Variants in STXBP5L observed in about 807,000 individuals in gnomAD.
STXBP5L encodes syntaxin binding protein 5L, also known as syntaxin-binding protein 5-like.
In STXBP5L, 65 loss-of-function variants were observed where a neutral mutation model predicts 144.5. The ratio of observed to expected loss-of-function variants is 0.45; its 90% CI spans 0.37 to 0.55. The LOEUF (loss-of-function observed/expected upper bound fraction) is 0.55, where lower values mean the gene tolerates loss of function less well. STXBP5L is among the 20% of genes least tolerant of loss of function. STXBP5L has a pLI of 0.00. For synonymous variants in STXBP5L, 505 were observed against 469.6 expected (o/e 1.08, Z -0.97); for missense variants, 1,298 against 1,405.5 (o/e 0.92, Z 1.22).
intron 3 of STXBP5L, among the ~76,000 whole-genome samples, chr3:120,995,416 A>G (rs904363842): frequency 6.6e-6 from 1 of 152,082 alleles, no homozygotes; most frequent in African/African-American, 2.4e-5. Flanking sequence ...CCAAATATCT[A>G]GAATTACAGG....
At chr3:120,945,146 T>G (rs1308931000) in intron 2 of STXBP5L, among the ~76,000 whole-genome samples, 1 of 151,734 alleles carries the variant, frequency 6.6e-6, no homozygotes, top group Non-Finnish European at 1.5e-5. Context: ...TGAGACAGTT[T>G]ATGTACAATT....
chr3:121,013,444 A>T (rs1227417426), intron 3 of STXBP5L, among the ~76,000 whole-genome samples: 1 of 152,064 alleles, frequency 6.6e-6, no homozygotes, highest in East Asian at 1.9e-4. Flanking sequence ...TCTGATGATT[A>T]GTGATGTTGA....
intron 3 of STXBP5L, among the ~76,000 whole-genome samples, chr3:121,004,271 T>A (rs1373992564): frequency 2.0e-5 from 3 of 151,636 alleles, no homozygotes; most frequent in Non-Finnish European, 4.4e-5. Context: ...TTCACATCCC[T>A]TGTAAGTTGG....
intron 20 of STXBP5L, among the ~76,000 whole-genome samples, chr3:121,359,635 G>A (rs1008300256): frequency 2.6e-5 from 4 of 152,038 alleles, no homozygotes; most frequent in African/African-American, 7.2e-5. Context: ...ATGGTGAGAT[G>A]TAGAGGTCTA....
chr3:121,381,532 G>A lies in STXBP5L; in HGVS notation c.2587G>A (p.Gly863Ser), dbSNP rs1441539807. The A allele has an allele frequency of 6.3e-7, 1 of 1,587,590 alleles. No individual in the cohort carries two copies. Among genetic ancestry groups the A allele is most frequent in the East Asian group, 2.3e-5 (1 of 44,126 alleles). The change falls in exon 22 of 27, where the codon GGT becomes AGT. Residue 863 changes from glycine (G) to serine (S), a missense_variant and splice_region_variant. Coordinates refer to ENST00000471454, the MANE Select transcript of STXBP5L (RefSeq NM_001308330.2). ...FTEPVMVLPS[G>S]TFLSLKGAVL... ...AGAGCCAGTCATGGTATTGCCAAGT[G>A]GTAAGAGTTTGTATTCATTCATTCC...
intron 4 of STXBP5L, among the ~76,000 whole-genome samples, chr3:121,042,531 G>T (rs753805163): frequency 7.6e-4 from 116 of 152,090 alleles, no homozygotes; most frequent in Non-Finnish European, 1.3e-3. Flanking sequence ...TTAGAAGATT[G>T]AACTCAGTGT....
At chr3:121,047,253 G>A (rs549980280) in intron 5 of STXBP5L, among the ~76,000 whole-genome samples, 3 of 152,132 alleles carry the variant, frequency 2.0e-5, no homozygotes, top group African/African-American at 7.2e-5. Flanking sequence ...GATTTTCTGA[G>A]GATTGTTTTA....
intron 9 of STXBP5L, among the ~76,000 whole-genome samples, chr3:121,197,279 A>G (rs2047957779): frequency 6.6e-6 from 1 of 152,034 alleles, no homozygotes. Context: ...ATATAGTTGG[A>G]TACTATTTGC....
intron 20 of STXBP5L, among the ~76,000 whole-genome samples, chr3:121,350,246 G>C (rs1401443965): frequency 6.6e-6 from 1 of 152,042 alleles, no homozygotes; most frequent in Admixed American, 6.6e-5. Flanking sequence ...ATGAAGTTCT[G>C]GGTTGAAAAT....
At chr3:120,970,832 G>C (rs1379930990) in intron 3 of STXBP5L, among the ~76,000 whole-genome samples, 1 of 152,022 alleles carries the variant, frequency 6.6e-6, no homozygotes, top group African/African-American at 2.4e-5. Flanking sequence ...CTTATATTGA[G>C]CACAGGAACT....
intron 18 of STXBP5L, among the ~76,000 whole-genome samples, chr3:121,278,728 G>C (rs2050958217): frequency 1.3e-5 from 2 of 151,944 alleles, no homozygotes; most frequent in African/African-American, 4.8e-5. Context: ...TTATAAAGAA[G>C]CTAAGGCCAA....
At chr3:121,147,034 C>T (rs1227228479) in intron 7 of STXBP5L, among the ~76,000 whole-genome samples, 1 of 151,942 alleles carries the variant, frequency 6.6e-6, no homozygotes, top group Admixed American at 6.6e-5. Context: ...CTCTTCCAGT[C>T]ACTGAGAAAA....
At chr3:121,064,710 G>A (rs180986679) in intron 5 of STXBP5L, among the ~76,000 whole-genome samples, 1 of 152,048 alleles carries the variant, frequency 6.6e-6, no homozygotes, top group African/African-American at 2.4e-5. Flanking sequence ...TTTAGGTTTT[G>A]TCTTAAATAT....
intron 9 of STXBP5L, among the ~76,000 whole-genome samples, chr3:121,176,602 TG>T (rs2046946394): frequency 6.6e-6 from 1 of 150,856 alleles, no homozygotes; most frequent in African/African-American, 2.4e-5. Flanking sequence ...TTAAAAATTA[TG>T]ACAGAAATGG....
At chr3:121,317,789 A>T (rs2043833369) in intron 19 of STXBP5L, among the ~76,000 whole-genome samples, 1 of 152,132 alleles carries the variant, frequency 6.6e-6, no homozygotes, top group Non-Finnish European at 1.5e-5. Context: ...AAAATTAAGA[A>T]ATATTGGAAA....
chr3:121,017,118 C>T (rs762535160), intron 3 of STXBP5L, among the ~76,000 whole-genome samples: 16 of 152,076 alleles, frequency 1.1e-4, no homozygotes, highest in Admixed American at 2.0e-4. Flanking sequence ...TCCAGTTATA[C>T]AAGGCTCATT....
chr3:120,950,175 C>T (rs1711118797), intron 2 of STXBP5L, among the ~76,000 whole-genome samples: 1 of 151,750 alleles, frequency 6.6e-6, no homozygotes, highest in Non-Finnish European at 1.5e-5. Flanking sequence ...ACGTACGATC[C>T]ATTTTGAGTT....
intron 20 of STXBP5L, among the ~76,000 whole-genome samples, chr3:121,331,647 T>C (rs1028972600): frequency 1.3e-5 from 2 of 152,156 alleles, no homozygotes; most frequent in African/African-American, 4.8e-5. Flanking sequence ...TGCATTTCAC[T>C]GAGAATTCTC....
In STXBP5L at chr3:121,209,671, G is replaced by T. The variant is rs562334545; in HGVS notation, c.956+3670G>T. ...TTGTTCAATTCCCACCTATGAATGA[G>T]AACATGCAGTGTTTGGTTTTTTGTC... On this transcript the variant is annotated intron_variant, in intron 10 of 26. Coordinates refer to ENST00000471454, the MANE Select transcript of STXBP5L (RefSeq NM_001308330.2). 2.3e-4 allele frequency among the ~76,000 whole-genome samples: 35 copies of T among 152,074 alleles called. No homozygotes were observed. In the East Asian group the frequency reaches 6.6e-3, roughly 29 times the overall value.
Sources: gnomAD v4.1 joint callset for allele counts (sites outside exome capture counted in the v4.1 genomes callset) on GRCh38, gnomAD v4.1.1 for gene constraint, MANE v1.5 for transcripts, NCBI Gene and HGNC (gene_info 2026-07-23, HGNC 2026-07-21) for gene names.